Variants in ARID4B observed in about 807,000 individuals in gnomAD.
ARID4B encodes the protein AT-rich interactive domain-containing protein 4B.
In ARID4B, 26 loss-of-function variants were observed where a neutral mutation model predicts 147.5. That is an observed-to-expected ratio of 0.18 (90% CI 0.13 to 0.24). The LOEUF is 0.24. Among genes scored for constraint, ARID4B ranks in the 10% least tolerant of loss-of-function variants. The pLI is 1.00. For missense variants in ARID4B, 1,179 were observed against 1,511.5 expected (o/e 0.78, Z 3.65); for synonymous variants, 512 against 507.9 (o/e 1.01, Z -0.11).
At chr1:235,327,038 A>AT in intron 1 of ARID4B, 70 bp from the exon 2 acceptor site, 2 of 1,118,182 alleles carry the variant, frequency 1.8e-6, no homozygotes, top group South Asian at 1.3e-5. Context: ...GGCGGAGGGA[A>AT]AGAAGCGAGC....
chr1:235,175,216 A>G lies in ARID4B; in HGVS notation c.3632T>C (p.Leu1211Ser). The change falls in exon 22 of 24, where the codon TTA (leucine) becomes TCA (serine). Residue 1211 changes from leucine (L) to serine (S), a missense_variant. Physicochemically the swap from Leu to Ser is moderately radical, Grantham distance 145 (BLOSUM62 -2). Transcript: ENST00000264183. The stretch of plus-strand genomic sequence containing the variant: ...AAAACTCCATTTGTAAACTTTGGGT[A>G]ATCGATTACTGGGTTCCTTGAGATC... ...DPDLKEPSNR[L>S]PKVYKWSFQM... The G allele has an allele frequency of 6.2e-7, 1 of 1,614,188 alleles. No individual in the cohort carries two copies. Among genetic ancestry groups the G allele is most frequent in the East Asian group, 2.2e-5 (1 of 44,880 alleles).
Position 235,266,900 on chromosome 1 carries a change from T to C in ARID4B, c.7-6148A>G, listed in dbSNP as rs530527326. Among the ~76,000 whole-genome samples the C allele has an allele frequency of 8.5e-5, 13 of 152,338 alleles. No homozygotes were observed. The South Asian group carries it at 2.1e-3, about 24-fold the overall frequency. ...ATGACATTTTATTGAGGTAGTTTATTTTAAAAAGTGAGGGATTCAAATTGG... is the reference window on the plus strand; with the variant it reads ...ATGACATTTTATTGAGGTAGTTTATCTTAAAAAGTGAGGGATTCAAATTGG... On this transcript the variant is annotated intron_variant, in intron 2 of 23. Transcript: ENST00000264183.
At chr1:235,192,844 GCCTGTAATCC>G (rs1227294612) in intron 19 of ARID4B, among the ~76,000 whole-genome samples, 1 of 152,136 alleles carries the variant, frequency 6.6e-6, no homozygotes, top group African/African-American at 2.4e-5. Context: ...GGTGGCTCAC[GCCTGTAATCC>G]CAGCACTTTG....
At chr1:235,286,406 T>G (rs1307177793) in intron 2 of ARID4B, among the ~76,000 whole-genome samples, 2 of 152,216 alleles carry the variant, frequency 1.3e-5, no homozygotes, top group African/African-American at 4.8e-5. Context: ...GATTTAAAAC[T>G]CAGTCTTTGT....
intron 12 of ARID4B, among the ~76,000 whole-genome samples, chr1:235,224,293 ATTC>A (rs1667687626): frequency 6.6e-6 from 1 of 152,220 alleles, no homozygotes; most frequent in Admixed American, 6.5e-5. Flanking sequence ...ACCCTAAGTT[ATTC>A]TTCTTCCTTC....
chr1:235,311,300 CCGTGA>C (rs1674031261), intron 2 of ARID4B, among the ~76,000 whole-genome samples: 2 of 151,034 alleles, frequency 1.3e-5, no homozygotes, highest in South Asian at 4.2e-4. Context: ...CTACAGTGAG[CCGTGA>C]TTGTACTGTG....
intron 6 of ARID4B, 133 bp downstream of exon 6, chr1:235,252,597 T>TTA: frequency 3.3e-6 from 2 of 606,688 alleles, no homozygotes; most frequent in South Asian, 5.4e-5. Context: ...GCTTCACAGA[T>TTA]TACATCATAA....
intron 23 of ARID4B, among the ~76,000 whole-genome samples, chr1:235,171,545 C>G (rs2102891651): frequency 6.6e-6 from 1 of 152,232 alleles, no homozygotes; most frequent in East Asian, 1.9e-4. Flanking sequence ...TTAATGCTAA[C>G]CCAGTAGAGA....
intron 16 of ARID4B, among the ~76,000 whole-genome samples, chr1:235,215,663 G>A (rs1473172629): frequency 1.3e-5 from 2 of 150,628 alleles, no homozygotes; most frequent in African/African-American, 4.9e-5. Flanking sequence ...GCTCACTGTG[G>A]TCTTGACTTC....
At chr1:235,322,718 C>T (rs914730561) in intron 2 of ARID4B, among the ~76,000 whole-genome samples, 2 of 152,160 alleles carry the variant, frequency 1.3e-5, no homozygotes, top group Non-Finnish European at 2.9e-5. Flanking sequence ...AGGTCAGATG[C>T]CTCACCCACC....
At chr1:235,205,839 A>T (rs2102990004) in intron 17 of ARID4B, among the ~76,000 whole-genome samples, 1 of 152,350 alleles carries the variant, frequency 6.6e-6, no homozygotes, top group Non-Finnish European at 1.5e-5. Flanking sequence ...AAAAAGCACA[A>T]TGAGATAAAC....
At chr1:235,173,771 A>AAAAT (rs1558165692) in intron 22 of ARID4B, among the ~76,000 whole-genome samples, 8 of 32,346 alleles carry the variant, frequency 2.5e-4, no homozygotes, top group Non-Finnish European at 3.1e-4. Context: ...AAAAAAAAAA[A>AAAAT]ATATATATAT....
chr1:235,239,302 A>T (rs1668833167), intron 8 of ARID4B, among the ~76,000 whole-genome samples: 5 of 152,170 alleles, frequency 3.3e-5, no homozygotes, highest in Admixed American at 3.3e-4. Context: ...ACTGATTATT[A>T]ACTTCAGTCT....
rs184894514 is a variant in ARID4B, at chr1:235,237,591, A to G, written c.585+2722T>C. Among the ~76,000 whole-genome samples, 311 of 152,382 alleles carry G rather than the reference A, an allele frequency of 2.0e-3. 2 individuals are homozygous for G. The highest frequency in any genetic ancestry group is 7.2e-3 in the African/African-American group (300 of 41,594). On this transcript the variant is annotated intron_variant, in intron 8 of 23. Coordinates refer to ENST00000264183, the MANE Select transcript of ARID4B (RefSeq NM_016374.6). ...TGACTAAAAAGGGTAAATGGACATC[A>G]CAAGTAGAAAACAGTAAAAACAAAG...
chr1:235,228,867 G>T (rs866142240), intron 11 of ARID4B: 2 of 171,010 alleles, frequency 1.2e-5, no homozygotes, highest in Non-Finnish European at 1.2e-5. Context: ...GGATGGTCTC[G>T]ATCTCCTGAC....
chr1:235,318,218 C>G (rs1014229001), intron 2 of ARID4B, among the ~76,000 whole-genome samples: 2 of 135,454 alleles, frequency 1.5e-5, no homozygotes, highest in African/African-American at 5.9e-5. Context: ...GATCTGACAC[C>G]TAGGCTGGAG....
chr1:235,182,695 T>C lies in ARID4B; in HGVS notation c.2224A>G (p.Thr742Ala). The change falls in exon 20 of 24, where the codon ACC (threonine) becomes GCC (alanine). Residue 742 changes from threonine (T) to alanine (A), a missense_variant. By Grantham distance (58) the Thr-to-Ala change is moderately conservative. Around this residue, in one of 10 missense-constraint regions of ARID4B, gnomAD observed 321 missense variants for 342.4 expected, o/e 0.94. Coordinates refer to ENST00000264183, the MANE Select transcript of ARID4B (RefSeq NM_016374.6). Reference sequence around the variant, plus strand: ...GAAATAAGATCATTTCTGTTGTTGGTCAAATGATCAATCTTAGATTCCTCT... The same window carrying C: ...GAAATAAGATCATTTCTGTTGTTGGCCAAATGATCAATCTTAGATTCCTCT... ...GKEESKIDHL[T>A]NNRNDLISKE... 6.2e-7 allele frequency: 1 copy of C among 1,613,804 alleles called. No homozygotes were observed. Among genetic ancestry groups the C allele is most frequent in the South Asian group, 1.1e-5 (1 of 91,074 alleles).
intron 19 of ARID4B, chr1:235,186,924 G>A (rs1355316894): frequency 4.2e-6 from 1 of 236,150 alleles, no homozygotes; most frequent in African/African-American, 2.4e-5. Flanking sequence ...TCGAACTCCT[G>A]ACCTCAAGTG....
intron 10 of ARID4B, among the ~76,000 whole-genome samples, chr1:235,230,240 T>C (rs1668112636): frequency 6.6e-6 from 1 of 151,496 alleles, no homozygotes; most frequent in Non-Finnish European, 1.5e-5. Context: ...ATGGTGAAAC[T>C]CTGTCTCTAC....
Sources: gnomAD v4.1 joint callset for allele counts (sites outside exome capture counted in the v4.1 genomes callset) on GRCh38, gnomAD v4.1.1 for gene constraint, gnomAD v4.1.1 regional missense constraint, MANE v1.5 for transcripts, NCBI Gene and HGNC (gene_info 2026-07-23, HGNC 2026-07-21) for gene names.